The following ATF7IP2 variants were observed in gnomAD, a reference collection of about 807,000 sequenced individuals.
ATF7IP2 encodes activating transcription factor 7 interacting protein 2, also known as activating transcription factor 7-interacting protein 2.
Under a neutral mutation model 64.2 loss-of-function variants are expected in ATF7IP2, and 42 were observed. The ratio of observed to expected loss-of-function variants is 0.65; its 90% CI spans 0.51 to 0.85. ATF7IP2 has a LOEUF of 0.85. Ranked by LOEUF, ATF7IP2 falls within the 40% of genes least tolerant of loss-of-function variation. ATF7IP2 has a pLI of 0.00. For synonymous variants in ATF7IP2, 308 were observed against 272.8 expected, an observed-to-expected ratio of 1.13 and a Z score of -1.27; for missense variants, 933 against 784.2, an observed-to-expected ratio of 1.19 and a Z score of -2.27.
intron 2 of ATF7IP2, 26 bp downstream of exon 2, chr16:10,414,638 T>C (rs1045315180): frequency 8.1e-5 from 8 of 98,732 alleles, no homozygotes; most frequent in African/African-American, 4.0e-4. Flanking sequence ...TGTGTGTGTG[T>C]GTGTGTGTGT....
rs571128841 is a variant in ATF7IP2 at position 10,422,982 on chromosome 16, C to T, written c.-160+3359C>T. ...ACTAGAGGCCAGGTGCAGTGGCTCA[C>T]GCCTGTAATCCCAGCACTTTGGGAG... On this transcript the variant is annotated intron_variant, in intron 3 of 13. Coordinates refer to ENST00000562102, the MANE Select transcript of ATF7IP2 (RefSeq NM_001393719.1). Among the ~76,000 whole-genome samples the T allele has an allele frequency of 1.6e-3, 249 of 152,334 alleles. 2 individuals are homozygous for T. Among genetic ancestry groups the T allele is most frequent in the African/African-American group, 5.7e-3 (235 of 41,586 alleles).
Position 10,480,795 on chromosome 16 carries a change from C to G in ATF7IP2, c.1550-84C>G, listed in dbSNP as rs578021238. The G allele has an allele frequency of 8.4e-4, 763 of 903,340 alleles. No homozygotes were observed. Among genetic ancestry groups the G allele is most frequent in the Non-Finnish European group, 9.5e-4 (527 of 552,062 alleles). The allele number at this position is 903,340 out of a possible 1,614,324, so 56.0% of individuals were successfully genotyped here. A position where few individuals can be genotyped will look rare whatever the true frequency, so the allele number is the denominator to read the frequency against. On this transcript the variant is annotated intron_variant, in intron 12 of 13. Coordinates refer to ENST00000562102, the MANE Select transcript of ATF7IP2 (RefSeq NM_001393719.1). Reference sequence around the variant, plus strand: ...AATTTTAATTCACATTTAATTACCACCAAAGATGTAAACTATAGCTTAAAG... The same window carrying G: ...AATTTTAATTCACATTTAATTACCAGCAAAGATGTAAACTATAGCTTAAAG...
intron 12 of ATF7IP2, among the ~76,000 whole-genome samples, chr16:10,478,314 C>G (rs2050086247): frequency 6.6e-6 from 1 of 151,498 alleles, no homozygotes; most frequent in South Asian, 2.1e-4. Context: ...AGATATAGAT[C>G]AATGGAACAG....
At position 10,464,418 on chromosome 16, in the gene ATF7IP2, A is replaced by G. The variant is rs543357412; in HGVS notation, c.1352+6889A>G. 2.6e-5 allele frequency among the ~76,000 whole-genome samples: 4 copies of G among 152,314 alleles called. No homozygotes were observed. In the East Asian group the frequency reaches 5.8e-4, roughly 22 times the overall value. On this transcript the variant is annotated intron_variant, in intron 9 of 13. Coordinates refer to ENST00000562102, the MANE Select transcript of ATF7IP2 (RefSeq NM_001393719.1). Reference sequence around the variant, plus strand: ...ATTAGTGCCACTGTTGTCCGTGTCTATAGTATGGCTAGATTTAGAAGTTTA... The same window carrying G: ...ATTAGTGCCACTGTTGTCCGTGTCTGTAGTATGGCTAGATTTAGAAGTTTA...
chr16:10,476,931 T>C (rs916974421), intron 12 of ATF7IP2, among the ~76,000 whole-genome samples: 4 of 152,210 alleles, frequency 2.6e-5, no homozygotes, highest in African/African-American at 9.7e-5. Flanking sequence ...TTCCATGTCT[T>C]TGCTGTTGTG....
chr16:10,480,574 T>G (rs1273700410), intron 12 of ATF7IP2, among the ~76,000 whole-genome samples: 1 of 151,310 alleles, frequency 6.6e-6, no homozygotes, highest in African/African-American at 2.4e-5. Flanking sequence ...TTTGTTGGCC[T>G]AACGAGAAAA....
intron 8 of ATF7IP2, among the ~76,000 whole-genome samples, chr16:10,441,108 C>G (rs1411608023): frequency 2.0e-5 from 3 of 152,186 alleles, no homozygotes; most frequent in Admixed American, 6.5e-5. Flanking sequence ...GCATAGTATT[C>G]CATGGTGTAT....
At chr16:10,481,754 G>A in intron 13 of ATF7IP2, 82 bp from the exon 14 acceptor site, 1 of 1,172,774 alleles carries the variant, frequency 8.5e-7, no homozygotes, top group South Asian at 1.7e-5. Context: ...TTGATAAATG[G>A]ATTGAAGAAT....
chr16:10,464,863 C>G (rs1320875184), intron 9 of ATF7IP2, among the ~76,000 whole-genome samples: 1 of 152,152 alleles, frequency 6.6e-6, no homozygotes, highest in African/African-American at 2.4e-5. Context: ...GAGTTTCGCT[C>G]TTGTTATCCA....
intron 8 of ATF7IP2, chr16:10,445,936 A>G (rs1204797809): frequency 6.6e-6 from 1 of 152,252 alleles, no homozygotes; most frequent in African/African-American, 2.4e-5. Context: ...ACTTGGAATC[A>G]GTATAAATAG....
chr16:10,418,020 C>T (rs138632767), intron 2 of ATF7IP2, among the ~76,000 whole-genome samples: 34 of 152,274 alleles, frequency 2.2e-4, no homozygotes, highest in African/African-American at 4.1e-4. Context: ...ATATAGAGTG[C>T]GGAGTGGGAA....
At chr16:10,443,129 A>G (rs899224603) in intron 8 of ATF7IP2, among the ~76,000 whole-genome samples, 16 of 152,190 alleles carry the variant, frequency 1.1e-4, no homozygotes, top group Admixed American at 5.9e-4. Context: ...AGAGTGTCCA[A>G]TAAGGGTCCA....
chr16:10,437,886 C>G (rs1352846007), intron 6 of ATF7IP2, among the ~76,000 whole-genome samples: 1 of 152,134 alleles, frequency 6.6e-6, no homozygotes, highest in African/African-American at 2.4e-5. Flanking sequence ...TAATTTCTAA[C>G]ATGTCCAGTA....
intron 3 of ATF7IP2, among the ~76,000 whole-genome samples, chr16:10,423,827 C>G (rs1319534968): frequency 6.6e-6 from 1 of 152,164 alleles, no homozygotes; most frequent in East Asian, 1.9e-4. Context: ...CATTGTTACC[C>G]TGATGCTTCC....
In ATF7IP2 at chr16:10,430,941, A is replaced by G. The variant is rs2048225671; in HGVS notation, c.321A>G (p.Thr107=). Residue 107 remains threonine, a synonymous_variant, in exon 5 of 14, where the codon ACA becomes ACG. Coordinates refer to ENST00000562102, the MANE Select transcript of ATF7IP2 (RefSeq NM_001393719.1). ...TAGAAGAAATTGTTCATTCAGAAACAAAATTGGAACAAGTTGTTTGTTCGT... is the reference window on the plus strand; with the variant it reads ...TAGAAGAAATTGTTCATTCAGAAACGAAATTGGAACAAGTTGTTTGTTCGT... ...KPVEEIVHSE[T]KLEQVVCSYQ... is the part of the protein sequence containing the mutation. 1 of 1,614,002 alleles carries G rather than the reference A, an allele frequency of 6.2e-7. No individual in the cohort carries two copies. Among genetic ancestry groups the G allele is most frequent in the Admixed American group, 1.7e-5 (1 of 60,008 alleles).
intron 8 of ATF7IP2, among the ~76,000 whole-genome samples, chr16:10,456,274 C>T (rs1685975962): frequency 2.6e-5 from 4 of 152,172 alleles, no homozygotes; most frequent in African/African-American, 9.7e-5. Context: ...AGGCAATTCT[C>T]AGCCTGACCA....
chr16:10,393,380 G>A lies in ATF7IP2; in HGVS notation c.-242+7258G>A, dbSNP rs900979260. ...AAAATCCTATGGCAGTAAAGGAATA[G>A]AACAAAAGGCATGAGACATAAGCCA... On this transcript the variant is annotated intron_variant, in intron 1 of 13. Coordinates refer to ENST00000562102, the MANE Select transcript of ATF7IP2 (RefSeq NM_001393719.1). 2.7e-4 allele frequency among the ~76,000 whole-genome samples: 38 copies of A among 139,338 alleles called. No individual in the cohort carries two copies. The South Asian group carries it at 8.6e-3, about 31-fold the overall frequency. 91.4% of individuals were successfully genotyped at this position (139,338 alleles called of 152,430 possible).
At chr16:10,390,634 G>C (rs1186740027) in intron 1 of ATF7IP2, among the ~76,000 whole-genome samples, 1 of 152,046 alleles carries the variant, frequency 6.6e-6, no homozygotes, top group East Asian at 1.9e-4. Context: ...ACAATGTTTT[G>C]TAAAATTAGC....
chr16:10,414,372 C>G (rs1357891270), intron 1 of ATF7IP2, among the ~76,000 whole-genome samples: 1 of 151,930 alleles, frequency 6.6e-6, no homozygotes, highest in East Asian at 1.9e-4. Context: ...GTTGCTGAGA[C>G]TTTCTAGAGC....
Sources: allele counts gnomAD v4.1 joint callset (sites outside exome capture counted in the v4.1 genomes callset), GRCh38; gene constraint gnomAD v4.1.1; transcripts MANE v1.5; gene names NCBI Gene and HGNC (gene_info 2026-07-23, HGNC 2026-07-21).